FBXL17: variants seen among roughly 807,000 people sequenced by gnomAD.
FBXL17 encodes F-box/LRR-repeat protein 17.
FBXL17 carries 22 observed loss-of-function variants against 66.2 expected under a neutral mutation model. The observed-to-expected ratio is 0.33, with a 90% CI of 0.24 to 0.47. The LOEUF (loss-of-function observed/expected upper bound fraction) is 0.47, where lower values mean the gene tolerates loss of function less well. Ranked by LOEUF, FBXL17 falls within the 20% of genes least tolerant of loss-of-function variation. FBXL17 has a pLI of 1.00. For missense variants in FBXL17, 878 were observed against 948.2 expected (o/e 0.93, Z 0.97); for synonymous variants, 474 against 400.5 (o/e 1.18, Z -2.19).
At chr5:107,881,269 A>C (rs1561516070) in intron 7 of FBXL17, 90 bp from the exon 8 acceptor site, 1 of 760,776 alleles carries the variant, frequency 1.3e-6, no homozygotes, top group Non-Finnish European at 2.0e-6. Flanking sequence ...TCCTCACTAA[A>C]TTTGTTCCTG....
intron 7 of FBXL17, among the ~76,000 whole-genome samples, chr5:107,924,443 G>A (rs1750431248): frequency 6.6e-6 from 1 of 152,044 alleles, no homozygotes; most frequent in East Asian, 1.9e-4. Flanking sequence ...CATTTGCATA[G>A]AACTTCATGT....
intron 6 of FBXL17, among the ~76,000 whole-genome samples, chr5:108,092,296 C>G (rs1561405630): frequency 6.6e-6 from 1 of 152,062 alleles, no homozygotes; most frequent in Non-Finnish European, 1.5e-5. Flanking sequence ...GAGGCTGGAG[C>G]TGAATGAGTC....
At chr5:108,020,501 T>C (rs1045230958) in intron 7 of FBXL17, among the ~76,000 whole-genome samples, 3 of 151,968 alleles carry the variant, frequency 2.0e-5, no homozygotes, top group Non-Finnish European at 4.4e-5. Context: ...TTTAAAGTGT[T>C]AAGAAGTTTG....
At chr5:108,303,382 A>C (rs1758681492) in intron 4 of FBXL17, among the ~76,000 whole-genome samples, 1 of 147,972 alleles carries the variant, frequency 6.8e-6, no homozygotes. Flanking sequence ...ACACACACAC[A>C]CACACACACA....
chr5:108,328,313 T>C (rs1438138278), intron 4 of FBXL17, among the ~76,000 whole-genome samples: 1 of 151,972 alleles, frequency 6.6e-6, no homozygotes, highest in Admixed American at 6.6e-5. Context: ...GCAGGAGACA[T>C]GGGCATTATT....
intron 7 of FBXL17, among the ~76,000 whole-genome samples, chr5:107,982,844 G>A (rs1424344288): frequency 2.0e-5 from 3 of 152,108 alleles, no homozygotes; most frequent in African/African-American, 7.2e-5. Context: ...ACTTGAGATT[G>A]GAAACAAAAG....
intron 6 of FBXL17, among the ~76,000 whole-genome samples, chr5:108,179,789 T>C (rs189282795): frequency 2.0e-3 from 310 of 152,304 alleles, no homozygotes; most frequent in Non-Finnish European, 3.5e-3. Flanking sequence ...AAATAGTAAA[T>C]AACTAATTTA....
At chr5:108,374,717 A>C (rs1370628442) in intron 1 of FBXL17, among the ~76,000 whole-genome samples, 2 of 152,092 alleles carry the variant, frequency 1.3e-5, no homozygotes, top group African/African-American at 4.8e-5. Flanking sequence ...GAGGTGAGGA[A>C]AGAGGAGGGG....
intron 7 of FBXL17, among the ~76,000 whole-genome samples, chr5:107,960,341 A>G (rs1186725587): frequency 1.3e-5 from 2 of 152,140 alleles, no homozygotes; most frequent in East Asian, 1.9e-4. Flanking sequence ...TTACTCTCTT[A>G]GCAATTCTAA....
chr5:107,865,494 G>A lies in FBXL17; in HGVS notation c.1966-3634C>T, dbSNP rs575013552. On this transcript the variant is annotated intron_variant, in intron 8 of 8. Transcript: ENST00000542267. ...AATTTACCTATTTTGGCGGCACAAA[G>A]TAAAATACATCTGTAGTTGAGAATA... Among the ~76,000 whole-genome samples the A allele has an allele frequency of 1.5e-4, 23 of 152,274 alleles. No individual in the cohort carries two copies. In the South Asian group the frequency reaches 4.4e-3, roughly 29 times the overall value.
intron 4 of FBXL17, among the ~76,000 whole-genome samples, chr5:108,345,286 G>A (rs4957754): frequency 0.043 from 6,478 of 151,572 alleles, 758 homozygotes; most frequent in East Asian, 0.39. Flanking sequence ...GCAGTGAGCT[G>A]AGATTGTGCC....
At chr5:108,318,489 C>T (rs142382286) in intron 4 of FBXL17, among the ~76,000 whole-genome samples, 182 of 151,922 alleles carry the variant, frequency 1.2e-3, no homozygotes, top group African/African-American at 4.3e-3. Context: ...AACCAATATA[C>T]ATAAAATCCT....
At chr5:107,926,495 G>C (rs543075539) in intron 7 of FBXL17, among the ~76,000 whole-genome samples, 2 of 151,914 alleles carry the variant, frequency 1.3e-5, no homozygotes, top group East Asian at 3.9e-4. Context: ...TGCATCTCCT[G>C]AGTAGGTAAA....
At chr5:108,251,670 A>C (rs1283170522) in intron 4 of FBXL17, among the ~76,000 whole-genome samples, 1 of 152,106 alleles carries the variant, frequency 6.6e-6, no homozygotes, top group East Asian at 1.9e-4. Context: ...GCTTTCCTTT[A>C]GCTATAATCA....
At chr5:108,074,468 TA>T (rs1343368655) in intron 6 of FBXL17, among the ~76,000 whole-genome samples, 17 of 152,148 alleles carry the variant, frequency 1.1e-4, no homozygotes, top group African/African-American at 3.6e-4. Flanking sequence ...ATAACATTTT[TA>T]AAATTACGTG....
At chr5:108,368,061 T>G (rs932301585) in intron 1 of FBXL17, 108 bp from the exon 2 acceptor site, 23 of 1,056,760 alleles carry the variant, frequency 2.2e-5, no homozygotes, top group Non-Finnish European at 2.8e-5. Flanking sequence ...AAAACCTTCT[T>G]GAATAAAAGA....
At chr5:108,229,568 A>T (rs1163534819) in intron 4 of FBXL17, among the ~76,000 whole-genome samples, 2 of 152,198 alleles carry the variant, frequency 1.3e-5, no homozygotes, top group African/African-American at 4.8e-5. Flanking sequence ...AAATCGAATC[A>T]AGATGGATCA....
chr5:108,020,668 G>T (rs1754559705), intron 7 of FBXL17: 3 of 270,182 alleles, frequency 1.1e-5, no homozygotes, highest in South Asian at 2.5e-4. Context: ...TTTTAATTTT[G>T]TGTGAGTGTG....
chr5:108,058,756 A>T (rs1747810764), intron 6 of FBXL17, among the ~76,000 whole-genome samples: 1 of 152,184 alleles, frequency 6.6e-6, no homozygotes, highest in Non-Finnish European at 1.5e-5. Flanking sequence ...TTATTCTGAT[A>T]TTCCTACACT....
Sources: gnomAD v4.1 joint callset for allele counts (sites outside exome capture counted in the v4.1 genomes callset) on GRCh38, gnomAD v4.1.1 for gene constraint, MANE v1.5 for transcripts, NCBI Gene and HGNC (gene_info 2026-07-23, HGNC 2026-07-21) for gene names.